The following ZNF780B variants were observed in gnomAD, a reference collection of about 807,000 sequenced individuals.
The protein encoded by ZNF780B is zinc finger protein 779.
A neutral mutation model predicts 74.1 loss-of-function variants in ZNF780B; 52 were observed. The observed-to-expected ratio is 0.70, with a 90% CI of 0.56 to 0.88. The LOEUF is 0.88. Among genes scored for constraint, ZNF780B ranks in the 40% least tolerant of loss-of-function variants. The pLI, the probability that ZNF780B is intolerant of heterozygous loss-of-function variation, is 0.00. For synonymous variants in ZNF780B, 315 were observed against 324.3 expected (o/e 0.97, Z 0.31); for missense variants, 953 against 1,007.6 (o/e 0.95, Z 0.73).
chr19:40,047,117 G>T (rs62108930), intron 4 of ZNF780B, among the ~76,000 whole-genome samples: 4,335 of 152,288 alleles, frequency 0.028, 86 homozygotes, highest in Non-Finnish European at 0.045. Context: ...CACTGGGAAA[G>T]AAAGAGGAAG....
In ZNF780B at chr19:40,032,500, C is replaced by CCT; in HGVS notation, c.*1856_*1857insAG. The CCT allele has an allele frequency of 7.9e-6, 2 of 253,982 alleles. No homozygotes were observed. The highest frequency in any genetic ancestry group is 1.3e-4 in the East Asian group (1 of 7,816). The allele number at this position is 253,982 out of a possible 1,614,324, so 15.7% of individuals were successfully genotyped here. On this transcript the variant is annotated 3_prime_UTR_variant, in exon 5 of 5. Transcript: ENST00000434248. ...TTGGGAGGCCAAGGCGGGTGGATCACGAGGTCAGGAGATCGAGACCATCCT... is the reference window on the plus strand; with the variant it reads ...TTGGGAGGCCAAGGCGGGTGGATCACCTGAGGTCAGGAGATCGAGACCATCCT...
intron 4 of ZNF780B, among the ~76,000 whole-genome samples, chr19:40,040,157 A>G (rs1157739378): frequency 2.6e-5 from 4 of 151,884 alleles, no homozygotes; most frequent in African/African-American, 9.7e-5. Flanking sequence ...TTCTGCATCT[A>G]TTGAGATAAT....
In ZNF780B at chr19:40,036,085, A is replaced by G. The variant is rs1255820944; in HGVS notation, c.774T>C (p.Phe258=). 6 of 1,613,156 alleles carry G rather than the reference A, an allele frequency of 3.7e-6. No individual in the cohort carries two copies. The highest frequency in any genetic ancestry group is 5.1e-6 in the Non-Finnish European group (6 of 1,179,646). Residue 258 remains phenylalanine, a synonymous_variant, in exon 5 of 5, where the codon TTT becomes TTC. Coordinates refer to ENST00000434248, the MANE Select transcript of ZNF780B (RefSeq NM_001005851.3). ...LFECKECGKS[F]NRSSNLTQHQ... is the part of the protein sequence containing the mutation. ...GCTGAGTAAGGTTTGAGCTACGATT[A>G]AAAGACTTCCCACATTCCTTACATT...
chr19:40,051,707 T>G (rs917433754), intron 1 of ZNF780B, among the ~76,000 whole-genome samples: 2 of 152,236 alleles, frequency 1.3e-5, no homozygotes, highest in African/African-American at 4.8e-5. Flanking sequence ...TCTGACATCC[T>G]TTAGCTGTAT....
intron 1 of ZNF780B, among the ~76,000 whole-genome samples, chr19:40,054,083 G>A (rs373275368): frequency 2.0e-5 from 3 of 152,168 alleles, no homozygotes; most frequent in Admixed American, 6.5e-5. Context: ...AACCCGGGAG[G>A]CAGAGGTTGC....
chr19:40,043,819 A>T (rs1217203767), intron 4 of ZNF780B, among the ~76,000 whole-genome samples: 1 of 152,164 alleles, frequency 6.6e-6, no homozygotes, highest in African/African-American at 2.4e-5. Context: ...CCTTTCTTTG[A>T]CTAGGAAAGG....
chr19:40,034,508 T>G lies in ZNF780B; in HGVS notation c.2351A>C (p.Lys784Thr), dbSNP rs1232835210. ...AAGTCTAAAAGCCTTCCCACACTCCTTACATTCATAGGGTTTCTCACCAGT... is the reference window on the plus strand; with the variant it reads ...AAGTCTAAAAGCCTTCCCACACTCCGTACATTCATAGGGTTTCTCACCAGT... ...IHTGEKPYECKECGKAFRLHL... is the reference protein window; with the variant it reads ...IHTGEKPYECTECGKAFRLHL... The change falls in exon 5 of 5, where the codon AAG becomes ACG. Residue 784 changes from lysine to threonine, a missense_variant. Physicochemically the swap from Lys to Thr is moderately conservative, Grantham distance 78 (BLOSUM62 -1). Transcript: ENST00000434248. 6.2e-7 allele frequency: 1 copy of G among 1,614,018 alleles called. No individual in the cohort carries two copies. Among genetic ancestry groups the G allele is most frequent in the African/African-American group, 1.3e-5 (1 of 75,018 alleles).
chr19:40,050,098 G>A (rs544233679), intron 2 of ZNF780B, among the ~76,000 whole-genome samples: 1 of 150,270 alleles, frequency 6.7e-6, no homozygotes, highest in Non-Finnish European at 1.5e-5. Flanking sequence ...TCGGGAGTCT[G>A]AGGCAGGAGA....
chr19:40,050,058 G>A (rs1006721711), intron 2 of ZNF780B, among the ~76,000 whole-genome samples: 3 of 151,822 alleles, frequency 2.0e-5, no homozygotes, highest in Non-Finnish European at 4.4e-5. Flanking sequence ...TTAGCCAGGC[G>A]TGCTGGTGGG....
Position 40,035,740 on chromosome 19 carries a change from G to C in ZNF780B, c.1119C>G (p.Leu373=). Reference sequence around the variant, plus strand: ...TATTCTTATGGCGATTAAGCTGATTGAGGAGACTAAAGGCCTTCCCGCATT... The same window carrying C: ...TATTCTTATGGCGATTAAGCTGATTCAGGAGACTAAAGGCCTTCCCGCATT... The part of the protein sequence containing the change: ...CRECGKAFSL[L]NQLNRHKNIH... Residue 373 remains leucine, a synonymous_variant, in exon 5 of 5, where the codon CTC becomes CTG. Transcript: ENST00000434248. The C allele has an allele frequency of 6.2e-7, 1 of 1,613,964 alleles. No individual in the cohort carries two copies. Among genetic ancestry groups the C allele is most frequent in the Non-Finnish European group, 8.5e-7 (1 of 1,180,012 alleles).
Position 40,032,473 on chromosome 19 carries a change from C to A in ZNF780B, c.*1884G>T. 3.5e-6 allele frequency: 1 copy of A among 286,752 alleles called. No homozygotes were observed. The highest frequency in any genetic ancestry group is 3.2e-5 in the South Asian group (1 of 31,078). 17.8% of individuals were successfully genotyped at this position (286,752 alleles called of 1,614,324 possible). A position where few individuals can be genotyped will look rare whatever the true frequency, so the allele number is the denominator to read the frequency against. On this transcript the variant is annotated 3_prime_UTR_variant, in exon 5 of 5. Coordinates refer to ENST00000434248, the MANE Select transcript of ZNF780B (RefSeq NM_001005851.3). ...CTGGCTCATGCCTGTAATCCCAGCA[C>A]TTTGGGAGGCCAAGGCGGGTGGATC...
chr19:40,034,437 G>T lies in ZNF780B; in HGVS notation c.2422C>A (p.Pro808Thr), dbSNP rs781502967. Reference protein sequence around the residue: ...LHQKLVQVRNPLNVRNVGQPS... With the variant: ...LHQKLVQVRNTLNVRNVGQPS... ...TGTCCCACATTTCTTACATTCAAAG[G>T]GTTTCTCACCTGTACAAGTTTTTGA... Residue 808 changes from proline (P) to threonine (T), a missense_variant, in exon 5 of 5, where the codon CCT becomes ACT. By Grantham distance (38) the Pro-to-Thr change is conservative. Transcript: ENST00000434248. 6.2e-7 allele frequency: 1 copy of T among 1,613,938 alleles called. No individual in the cohort carries two copies. The highest frequency in any genetic ancestry group is 1.7e-5 in the Admixed American group (1 of 60,002).
intron 1 of ZNF780B, among the ~76,000 whole-genome samples, chr19:40,050,785 T>C (rs146167438): frequency 2.4e-4 from 36 of 152,294 alleles, no homozygotes; most frequent in African/African-American, 8.7e-4. Flanking sequence ...CATCATCCAA[T>C]CCAGAACCTC....
chr19:40,034,046 G>A lies in ZNF780B; in HGVS notation c.*311C>T. ...TTCTCAGCAGTACGGATTCTCAGAT[G>A]TACAGTAAGATCATAATTACTGCTA... On this transcript the variant is annotated 3_prime_UTR_variant, in exon 5 of 5. Transcript: ENST00000434248. 1 of 395,390 alleles carries A rather than the reference G, an allele frequency of 2.5e-6. No individual in the cohort carries two copies. Among genetic ancestry groups the A allele is most frequent in the Non-Finnish European group, 4.8e-6 (1 of 209,818 alleles). The allele number at this position is 395,390 out of a possible 1,614,324, so 24.5% of individuals were successfully genotyped here. A position where few individuals can be genotyped will look rare whatever the true frequency, so the allele number is the denominator to read the frequency against.
chr19:40,047,502 T>G (rs775756595), intron 3 of ZNF780B, 32 bp from the exon 4 acceptor site: 1 of 1,516,890 alleles, frequency 6.6e-7, no homozygotes, highest in Admixed American at 2.2e-5. Context: ...TGTAGAATTT[T>G]TTTAATATAA....
At chr19:40,050,288 T>A in intron 2 of ZNF780B, 36 bp downstream of exon 2, 1 of 1,589,344 alleles carries the variant, frequency 6.3e-7, no homozygotes, top group Non-Finnish European at 8.5e-7. Flanking sequence ...AACCTGAAAG[T>A]CACCATATTT....
chr19:40,036,473 T>G lies in ZNF780B; in HGVS notation c.386A>C (p.Glu129Ala). The change falls in exon 5 of 5, where the codon GAG becomes GCG. Residue 129 changes from glutamate (E) to alanine (A), a missense_variant. By Grantham distance (107) the Glu-to-Ala change is moderately radical (BLOSUM62 -1). Transcript: ENST00000434248. Reference sequence around the variant, plus strand: ...TCCTTCTTGATGTCCCTGTCGTCCCTCAAATCTACTTCTATATTCTGAGTC... The same window carrying G: ...TCCTTCTTGATGTCCCTGTCGTCCCGCAAATCTACTTCTATATTCTGAGTC... Reference protein sequence around the residue: ...RNDSEYRSRFEGRQGHQEGYI... With the variant: ...RNDSEYRSRFAGRQGHQEGYI... 2.5e-6 allele frequency: 4 copies of G among 1,610,578 alleles called. No homozygotes were observed. The highest frequency in any genetic ancestry group is 3.4e-6 in the Non-Finnish European group (4 of 1,179,140).
rs1599766495 is a variant in ZNF780B, at chr19:40,036,523, G to C, written c.336C>G (p.Gly112=). The change falls in exon 5 of 5, where the codon GGC becomes GGG. Residue 112 remains glycine (G), a synonymous_variant. Coordinates refer to ENST00000434248, the MANE Select transcript of ZNF780B (RefSeq NM_001005851.3). ...HVIKQISKTL[G]LEAFYFRNDS... ...CATTTCTAAAATAAAAGGCCTCGAG[G>C]CCAAGTGTTTTACTTATTTGCTTTA... The C allele has an allele frequency of 1.2e-6, 2 of 1,604,258 alleles. No homozygotes were observed. The highest frequency in any genetic ancestry group is 1.1e-5 in the South Asian group (1 of 88,738).
chr19:40,036,461 C>T lies in ZNF780B; in HGVS notation c.398G>A (p.Gly133Glu). 1 of 1,609,778 alleles carries T rather than the reference C, an allele frequency of 6.2e-7. No individual in the cohort carries two copies. The highest frequency in any genetic ancestry group is 2.2e-5 in the East Asian group (1 of 44,852). ...CTGGTTGATATATCCTTCTTGATGT[C>T]CCTGTCGTCCCTCAAATCTACTTCT... is the stretch of plus-strand genomic sequence containing the variant. Reference protein sequence around the residue: ...EYRSRFEGRQGHQEGYINQKI... With the variant: ...EYRSRFEGRQEHQEGYINQKI... The change falls in exon 5 of 5, where the codon GGA (glycine) becomes GAA (glutamate). Residue 133 changes from glycine to glutamate, a missense_variant. Transcript: ENST00000434248.
Sources: gnomAD v4.1 joint callset for allele counts (sites outside exome capture counted in the v4.1 genomes callset) on GRCh38, gnomAD v4.1.1 for gene constraint, MANE v1.5 for transcripts, NCBI Gene and HGNC (gene_info 2026-07-23, HGNC 2026-07-21) for gene names.